FMN2: variants seen among roughly 807,000 people sequenced by gnomAD.
FMN2 encodes formin-2.
In FMN2, 51 loss-of-function variants were observed where a neutral mutation model predicts 142.3. That is an observed-to-expected ratio of 0.36 (90% CI 0.29 to 0.45). The LOEUF (loss-of-function observed/expected upper bound fraction) is 0.45, where lower values mean the gene tolerates loss of function less well. FMN2 is among the 20% of genes least tolerant of loss of function. FMN2 has a pLI of 1.00. For missense variants in FMN2, 1,936 were observed against 2,122.8 expected (o/e 0.91, Z 1.73); for synonymous variants, 882 against 869.8 (o/e 1.01, Z -0.25).
chr1:240,140,094 T>G (rs1462928565), intron 2 of FMN2, among the ~76,000 whole-genome samples: 1 of 152,100 alleles, frequency 6.6e-6, no homozygotes, highest in African/African-American at 2.4e-5. Context: ...GGTGAGTGCT[T>G]GCATTGGCTT....
intron 15 of FMN2, among the ~76,000 whole-genome samples, chr1:240,433,519 C>T (rs957712811): frequency 2.6e-5 from 4 of 152,284 alleles, no homozygotes; most frequent in South Asian, 4.1e-4. Flanking sequence ...TCAGCATTTT[C>T]TCTCAACGCA....
At position 240,258,035 on chromosome 1, in the gene FMN2, A is replaced by G. The variant is rs1239577059; in HGVS notation, c.4153+3A>G. On this transcript the variant is annotated splice_donor_region_variant and intron_variant, in intron 7 of 17. Transcript: ENST00000319653. Reference sequence around the variant, plus strand: ...AGATATGAAAGACATACAACATGGTAAGTGTCAAAATGAAAATTTAGCTTC... The same window carrying G: ...AGATATGAAAGACATACAACATGGTGAGTGTCAAAATGAAAATTTAGCTTC... The G allele has an allele frequency of 6.2e-7, 1 of 1,601,012 alleles. No individual in the cohort carries two copies.
rs150775290 is a variant in FMN2, at chr1:240,174,161, T to C, written c.1783-3760T>C. 2.0e-4 allele frequency among the ~76,000 whole-genome samples: 31 copies of C among 152,274 alleles called. No individual in the cohort carries two copies. In the East Asian group the frequency reaches 6.0e-3, roughly 29 times the overall value. On this transcript the variant is annotated intron_variant, in intron 2 of 17. Transcript: ENST00000319653. ...GAACCGAAGCTCAGGCTTAGAAGCATGCTGTTGTGGCCAATTTGGTTCTGC... is the reference window on the plus strand; with the variant it reads ...GAACCGAAGCTCAGGCTTAGAAGCACGCTGTTGTGGCCAATTTGGTTCTGC...
intron 16 of FMN2, among the ~76,000 whole-genome samples, chr1:240,461,879 G>T (rs181122523): frequency 6.6e-6 from 1 of 152,054 alleles, no homozygotes; most frequent in African/African-American, 2.4e-5. Flanking sequence ...GCACACCACT[G>T]CCCCACTGTA....
At chr1:240,431,421 T>TAC (rs1558487513) in intron 15 of FMN2, among the ~76,000 whole-genome samples, 1 of 146,442 alleles carries the variant, frequency 6.8e-6, no homozygotes, top group African/African-American at 2.6e-5. Flanking sequence ...TATATATATA[T>TAC]ATACATATAT....
chr1:240,298,030 CTTGATA>C (rs1670050001), intron 8 of FMN2, among the ~76,000 whole-genome samples: 2 of 152,136 alleles, frequency 1.3e-5, no homozygotes. Context: ...AAGGCCCTAC[CTTGATA>C]CCATCATCCT....
intron 1 of FMN2, among the ~76,000 whole-genome samples, chr1:240,111,003 T>C (rs370195270): frequency 2.2e-4 from 34 of 152,330 alleles, no homozygotes; most frequent in African/African-American, 8.2e-4. Context: ...GATTTCCTTC[T>C]TTTAAGTTGA....
intron 4 of FMN2, among the ~76,000 whole-genome samples, chr1:240,205,267 C>A (rs987679050): frequency 2.0e-5 from 3 of 152,056 alleles, no homozygotes; most frequent in Non-Finnish European, 2.9e-5. Flanking sequence ...TTTATTCCAG[C>A]CTTTAGTGAG....
chr1:240,237,271 G>A (rs1357466489), intron 6 of FMN2, among the ~76,000 whole-genome samples: 4 of 152,200 alleles, frequency 2.6e-5, no homozygotes, highest in African/African-American at 9.6e-5. Flanking sequence ...AGTCGGATAA[G>A]TTGCCACCAA....
At chr1:240,161,119 T>A (rs1664257413) in intron 2 of FMN2, among the ~76,000 whole-genome samples, 1 of 148,720 alleles carries the variant, frequency 6.7e-6, no homozygotes, top group Admixed American at 6.6e-5. Context: ...GTTTTGAATT[T>A]TTTTATTTCA....
chr1:240,455,805 A>G (rs1676219973), intron 16 of FMN2, among the ~76,000 whole-genome samples: 1 of 151,842 alleles, frequency 6.6e-6, no homozygotes, highest in South Asian at 2.1e-4. Context: ...GTGAAACCCC[A>G]TCTCTATAAA....
At chr1:240,309,591 C>A (rs1243988688) in intron 8 of FMN2, among the ~76,000 whole-genome samples, 1 of 152,016 alleles carries the variant, frequency 6.6e-6, no homozygotes, top group Non-Finnish European at 1.5e-5. Flanking sequence ...TGGCAGAGCA[C>A]CCCCAGATGT....
intron 15 of FMN2, among the ~76,000 whole-genome samples, chr1:240,403,520 G>A (rs867221047): frequency 6.6e-6 from 1 of 152,144 alleles, no homozygotes; most frequent in African/African-American, 2.4e-5. Flanking sequence ...TGTAATCCCA[G>A]CTACTCGAGA....
At chr1:240,409,573 A>T (rs1475312688) in intron 15 of FMN2, among the ~76,000 whole-genome samples, 1 of 152,200 alleles carries the variant, frequency 6.6e-6, no homozygotes, top group Non-Finnish European at 1.5e-5. Context: ...TTTTTAATAG[A>T]TTACAAGATA....
At chr1:240,218,297 A>C (rs1249752424) in intron 6 of FMN2, among the ~76,000 whole-genome samples, 1 of 150,676 alleles carries the variant, frequency 6.6e-6, no homozygotes, top group Admixed American at 6.6e-5. Flanking sequence ...AAAAAAAAAA[A>C]AAAAAAAAAA....
chr1:240,129,932 A>C (rs1441382563), intron 2 of FMN2, among the ~76,000 whole-genome samples: 1 of 152,142 alleles, frequency 6.6e-6, no homozygotes, highest in African/African-American at 2.4e-5. Context: ...CTTTCATAAT[A>C]CTTCTTTGAA....
intron 2 of FMN2, among the ~76,000 whole-genome samples, chr1:240,152,207 T>C (rs941332370): frequency 1.3e-5 from 2 of 151,952 alleles, no homozygotes; most frequent in Admixed American, 6.6e-5. Context: ...CACATAATTC[T>C]CCTCTCTGTC....
chr1:240,118,577 C>A (rs1275661946), intron 1 of FMN2, among the ~76,000 whole-genome samples: 2 of 152,106 alleles, frequency 1.3e-5, no homozygotes, highest in Non-Finnish European at 2.9e-5. Flanking sequence ...GTGATGGGAA[C>A]CCACTGGAGA....
rs1469512805 is a variant in FMN2 at position 240,245,387 on chromosome 1, G to GTGGT, written c.4066-12557_4066-12554dup. On this transcript the variant is annotated intron_variant, in intron 6 of 17. Transcript: ENST00000319653. Reference sequence around the variant, plus strand: ...GGAAGTGATGAGAACTTGCAGCAGGGTGGTGGTAGTGAAAGAGAAGAATGA... The same window carrying GTGGT: ...GGAAGTGATGAGAACTTGCAGCAGGGTGGTTGGTGGTAGTGAAAGAGAAGAATGA... 3.4e-5 allele frequency: 14 copies of GTGGT among 410,214 alleles called. No individual in the cohort carries two copies. The East Asian group carries it at 9.2e-4, about 27-fold the overall frequency. 25.4% of individuals were successfully genotyped at this position (410,214 alleles called of 1,614,324 possible). A position where few individuals can be genotyped will look rare whatever the true frequency, so the allele number is the denominator to read the frequency against.
Sources: allele counts gnomAD v4.1 joint callset (sites outside exome capture counted in the v4.1 genomes callset), GRCh38; gene constraint gnomAD v4.1.1; transcripts MANE v1.5; gene names NCBI Gene and HGNC (gene_info 2026-07-23, HGNC 2026-07-21).